ZNF638: variants seen among roughly 807,000 people sequenced by gnomAD.
ZNF638 encodes the protein zinc finger protein 638, also known as CTCL tumor antigen se33-1.
ZNF638 carries 46 observed loss-of-function variants against 195.6 expected under a neutral mutation model. The ratio of observed to expected loss-of-function variants is 0.24; its 90% CI spans 0.19 to 0.30. ZNF638 has a LOEUF of 0.30. ZNF638 is among the 10% of genes least tolerant of loss of function. The pLI is 1.00. For synonymous variants in ZNF638, 845 were observed against 772.0 expected (o/e 1.09, Z -1.57); for missense variants, 2,440 against 2,325.3 (o/e 1.05, Z -1.01).
intron 1 of ZNF638, among the ~76,000 whole-genome samples, chr2:71,333,482 G>A (rs973472820): frequency 2.6e-5 from 4 of 152,104 alleles, no homozygotes; most frequent in African/African-American, 9.7e-5. Context: ...TTTTGTTTTG[G>A]AGGGTGTATA....
In ZNF638 at chr2:71,399,662, G is replaced by T. The variant is rs139666816; in HGVS notation, c.2587+17G>T. On this transcript the variant is annotated intron_variant, in intron 13 of 27. Coordinates refer to ENST00000264447, the MANE Select transcript of ZNF638 (RefSeq NM_014497.5). ...CTATACCAGGTAAGCTTGAAATGTGGTCATTCAGTGCTTTGTTTTCTTTTC... is the reference window on the plus strand; with the variant it reads ...CTATACCAGGTAAGCTTGAAATGTGTTCATTCAGTGCTTTGTTTTCTTTTC... The T allele has an allele frequency of 4.1e-5, 65 of 1,582,360 alleles. No individual in the cohort carries two copies. Among genetic ancestry groups the T allele is most frequent in the Non-Finnish European group, 5.4e-5 (63 of 1,159,922 alleles).
Position 71,433,156 on chromosome 2 carries a change from A to G in ZNF638, c.5753-9A>G, listed in dbSNP as rs1169740168. On this transcript the variant is annotated splice_polypyrimidine_tract_variant and intron_variant, in intron 26 of 27. Coordinates refer to ENST00000264447, the MANE Select transcript of ZNF638 (RefSeq NM_014497.5). ...GTTAATTTTCTTCTTGTCTCTTCTTATCCTCTAGAATTAGACTTTCTTGTA... is the reference window on the plus strand; with the variant it reads ...GTTAATTTTCTTCTTGTCTCTTCTTGTCCTCTAGAATTAGACTTTCTTGTA... 1.3e-6 allele frequency: 2 copies of G among 1,540,964 alleles called. No homozygotes were observed. The highest frequency in any genetic ancestry group is 1.8e-6 in the Non-Finnish European group (2 of 1,114,532).
chr2:71,434,906 A>G lies in ZNF638; in HGVS notation c.*99A>G, dbSNP rs890020725. 9 of 1,041,408 alleles carry G rather than the reference A, an allele frequency of 8.6e-6. No homozygotes were observed. Among genetic ancestry groups the G allele is most frequent in the South Asian group, 5.0e-5 (3 of 59,516 alleles). The allele number at this position is 1,041,408 out of a possible 1,614,324, so 64.5% of individuals were successfully genotyped here. A position where few individuals can be genotyped will look rare whatever the true frequency, so the allele number is the denominator to read the frequency against. The stretch of plus-strand genomic sequence containing the variant: ...ATTTGTAATTTTCGTTTCAGAAGCA[A>G]ATATTCGTGTTGTACAAATTTCTGA... On this transcript the variant is annotated 3_prime_UTR_variant, in exon 28 of 28. Coordinates refer to ENST00000264447, the MANE Select transcript of ZNF638 (RefSeq NM_014497.5).
chr2:71,388,629 T>C lies in ZNF638; in HGVS notation c.2378-7512T>C, dbSNP rs527303874. 11 of 822,200 alleles carry C rather than the reference T, an allele frequency of 1.3e-5. 1 individual carries two copies. The Admixed American group carries it at 1.4e-4, about 10-fold the overall frequency. 50.9% of individuals were successfully genotyped at this position (822,200 alleles called of 1,614,324 possible). On this transcript the variant is annotated intron_variant, in intron 10 of 27. Transcript: ENST00000264447. ...TCATCCGTCGCTCGGCCAGAGTCGG[T>C]GGATCAGACTCAGCAGCTGGTGCCC...
Position 71,406,182 on chromosome 2 carries a change from G to A in ZNF638, c.3055G>A (p.Asp1019Asn), listed in dbSNP as rs1258687875. Residue 1019 changes from aspartate (D) to asparagine (N), a missense_variant, in exon 19 of 28, where the codon GAT becomes AAT. Around this residue, in one of 5 missense-constraint regions of ZNF638, gnomAD observed 1,883 missense variants for 1,739.1 expected, o/e 1.08. Transcript: ENST00000264447. Reference sequence around the variant, plus strand: ...TGTACATCTTGATAATTTACCGGAAGATGGACTTCAGTGTGTACTTTGTGT... The same window carrying A: ...TGTACATCTTGATAATTTACCGGAAAATGGACTTCAGTGTGTACTTTGTGT... ...RFVHLDNLPE[D>N]GLQCVLCVGL... 1 of 1,613,694 alleles carries A rather than the reference G, an allele frequency of 6.2e-7. No individual in the cohort carries two copies. Among genetic ancestry groups the A allele is most frequent in the Non-Finnish European group, 8.5e-7 (1 of 1,179,794 alleles).
intron 20 of ZNF638, among the ~76,000 whole-genome samples, chr2:71,410,376 T>TGTGTG (rs201242119): frequency 9.5e-5 from 12 of 126,004 alleles, no homozygotes; most frequent in Admixed American, 5.2e-4. Context: ...TTGATTTTTT[T>TGTGTG]TTTGTGTGTG....
rs1269613062 is a variant in ZNF638 at position 71,355,699 on chromosome 2, CTT to C, written c.1318-17_1318-16del. ...CATGAGGAATATTCTAATTTCAACA[CTT>C]TTCTCCTTTTACAATAGGATTGGAT... On this transcript the variant is annotated intron_variant, in intron 2 of 27. Coordinates refer to ENST00000264447, the MANE Select transcript of ZNF638 (RefSeq NM_014497.5). 1.3e-6 allele frequency: 2 copies of C among 1,533,444 alleles called. No homozygotes were observed. Among genetic ancestry groups the C allele is most frequent in the South Asian group, 1.2e-5 (1 of 82,552 alleles). 95.0% of individuals were successfully genotyped at this position (1,533,444 alleles called of 1,614,324 possible).
At chr2:71,357,803 T>C (rs558730026) in intron 3 of ZNF638, among the ~76,000 whole-genome samples, 2 of 152,358 alleles carry the variant, frequency 1.3e-5, no homozygotes, top group African/African-American at 4.8e-5. Context: ...AGGGGAGATA[T>C]ATATAAATAC....
At chr2:71,400,282 A>C (rs950966339) in intron 14 of ZNF638, 102 bp downstream of exon 14, 1 of 1,100,570 alleles carries the variant, frequency 9.1e-7, no homozygotes, top group East Asian at 2.6e-5. Flanking sequence ...TTATCTCTTA[A>C]TCTGAAATTT....
Position 71,369,818 on chromosome 2 carries a change from A to G in ZNF638, c.2143-65A>G, listed in dbSNP as rs960651338. 5 of 1,492,502 alleles carry G rather than the reference A, an allele frequency of 3.4e-6. No homozygotes were observed. The African/African-American group carries it at 5.7e-5, about 17-fold the overall frequency. The allele number at this position is 1,492,502 out of a possible 1,614,324, so 92.5% of individuals were successfully genotyped here. ...TGTTACAAAAGAAAGGATTAAGCCC[A>G]TTTTAAAATGCAGGAACTTTTAAAG... On this transcript the variant is annotated intron_variant, in intron 7 of 27. Coordinates refer to ENST00000264447, the MANE Select transcript of ZNF638 (RefSeq NM_014497.5).
At position 71,349,305 on chromosome 2, in the gene ZNF638, A is replaced by T; in HGVS notation, c.351A>T (p.Lys117Asn). The change falls in exon 2 of 28, where the codon AAA becomes AAT. Residue 117 changes from lysine (K) to asparagine (N), a missense_variant. Lys to Asn is a moderately conservative substitution (Grantham distance 94). Coordinates refer to ENST00000264447, the MANE Select transcript of ZNF638 (RefSeq NM_014497.5). ...EPHISASVAV[K>N]QSSVTQVTEQ... ...ATATATCTGCATCAGTGGCAGTGAA[A>T]CAGAGTTCTGTAACACAGGTTACAG... is the stretch of plus-strand genomic sequence containing the variant. The T allele has an allele frequency of 1.9e-6, 3 of 1,614,182 alleles. No homozygotes were observed. The East Asian group carries it at 6.7e-5, about 36-fold the overall frequency.
intron 3 of ZNF638, among the ~76,000 whole-genome samples, chr2:71,359,045 C>T (rs2079067289): frequency 6.6e-6 from 1 of 152,068 alleles, no homozygotes; most frequent in Admixed American, 6.6e-5. Context: ...CTTTTATTTG[C>T]ACTGGGAAAC....
chr2:71,377,978 G>GT (rs1365145106), intron 8 of ZNF638, among the ~76,000 whole-genome samples: 1 of 152,300 alleles, frequency 6.6e-6, no homozygotes, highest in East Asian at 1.9e-4. Context: ...CCTAAGGTGT[G>GT]TGTTAAGGCA....
At chr2:71,433,326 G>A (rs956891823) in intron 27 of ZNF638, 43 bp downstream of exon 27, 2 of 1,373,254 alleles carry the variant, frequency 1.5e-6, no homozygotes, top group Non-Finnish European at 2.1e-6. Flanking sequence ...TGTTGTTATT[G>A]TCTTAGAATC....
intron 7 of ZNF638, among the ~76,000 whole-genome samples, chr2:71,369,362 G>GGTGT (rs1210478103): frequency 6.6e-6 from 1 of 151,952 alleles, no homozygotes; most frequent in Non-Finnish European, 1.5e-5. Flanking sequence ...GTTAAGGCTG[G>GGTGT]GTGTGGTGGC....
chr2:71,391,965 A>C (rs1253012649), intron 10 of ZNF638, among the ~76,000 whole-genome samples: 1 of 152,206 alleles, frequency 6.6e-6, no homozygotes, highest in Non-Finnish European at 1.5e-5. Flanking sequence ...AGATGGCCAC[A>C]GGGCTGCGCT....
In ZNF638 at chr2:71,427,220, A is replaced by G. The variant is rs1388497620; in HGVS notation, c.5351A>G (p.Glu1784Gly). Reference sequence around the variant, plus strand: ...ACTGTTGATGAAGTTGGAGAGGAGGAAGATGGAGATAATGATTTAAAAGTT... The same window carrying G: ...ACTGTTGATGAAGTTGGAGAGGAGGGAGATGGAGATAATGATTTAAAAGTT... ...FVTVDEVGEE[E>G]DGDNDLKVEL... The change falls in exon 24 of 28, where the codon GAA becomes GGA. Residue 1784 changes from glutamate (E) to glycine (G), a missense_variant. Glu to Gly is a moderately conservative substitution (Grantham distance 98). Around this residue, in one of 5 missense-constraint regions of ZNF638, gnomAD observed 1,883 missense variants for 1,739.1 expected, o/e 1.08. Transcript: ENST00000264447. The G allele has an allele frequency of 1.2e-6, 2 of 1,612,350 alleles. No homozygotes were observed. Among genetic ancestry groups the G allele is most frequent in the African/African-American group, 2.7e-5 (2 of 74,700 alleles).
At chr2:71,345,548 G>C (rs2078836711) in intron 1 of ZNF638, among the ~76,000 whole-genome samples, 1 of 152,004 alleles carries the variant, frequency 6.6e-6, no homozygotes, top group Non-Finnish European at 1.5e-5. Context: ...CAACATGCTT[G>C]GTTTTTTCAT....
intron 8 of ZNF638, among the ~76,000 whole-genome samples, chr2:71,378,641 A>C (rs2104344370): frequency 6.6e-6 from 1 of 152,368 alleles, no homozygotes; most frequent in Non-Finnish European, 1.5e-5. Context: ...GTTTGTTTTC[A>C]ACAAGTGCTA....
Sources: allele counts gnomAD v4.1 joint callset (sites outside exome capture counted in the v4.1 genomes callset), GRCh38; gene constraint gnomAD v4.1.1; regional missense constraint gnomAD v4.1.1; transcripts MANE v1.5; gene names NCBI Gene and HGNC (gene_info 2026-07-23, HGNC 2026-07-21).